BBX: variants seen among roughly 807,000 people sequenced by gnomAD.
The protein encoded by BBX is HMG box transcription factor BBX.
Under a neutral mutation model 100.2 loss-of-function variants are expected in BBX, and 30 were observed. The observed-to-expected ratio is 0.30, with a 90% CI of 0.22 to 0.41. BBX has a LOEUF of 0.41. Among genes scored for constraint, BBX ranks in the 10% least tolerant of loss-of-function variants. BBX has a pLI of 1.00. For synonymous variants in BBX, 376 were observed against 388.1 expected, an observed-to-expected ratio of 0.97 and a Z score of 0.37; for missense variants, 1,023 against 1,129.8, an observed-to-expected ratio of 0.91 and a Z score of 1.35.
At chr3:107,586,854 G>A (rs1446290480) in intron 2 of BBX, among the ~76,000 whole-genome samples, 1 of 151,852 alleles carries the variant, frequency 6.6e-6, no homozygotes, top group Admixed American at 6.6e-5. Flanking sequence ...AGGTTCAAGC[G>A]ATTCTCCTGC....
rs1315331330 is a variant in BBX, at chr3:107,773,548, G to A, written c.1827G>A (p.Arg609=). Residue 609 remains arginine (R), a synonymous_variant, in exon 11 of 18, where the codon AGG becomes AGA. Transcript: ENST00000325805. The surrounding 1 kb of genome is among the most constrained non-coding windows in gnomAD (Gnocchi z 4.1). ...GAAAAATAGAAACTTGTGGTTCCAG[G>A]AAATCCGAGAGGTCTTGCAAAGGTG... The part of the protein sequence containing the change: ...CHRKIETCGS[R]KSERSCKGAL... 6.2e-7 allele frequency: 1 copy of A among 1,614,082 alleles called. No homozygotes were observed. Among genetic ancestry groups the A allele is most frequent in the East Asian group, 2.2e-5 (1 of 44,870 alleles).
At position 107,750,577 on chromosome 3, in the gene BBX, C is replaced by G. The variant is rs187333196; in HGVS notation, c.825+2538C>G. Among the ~76,000 whole-genome samples the G allele has an allele frequency of 3.5e-4, 54 of 152,270 alleles. 1 individual carries two copies. In the East Asian group the frequency reaches 9.8e-3, roughly 28 times the overall value. ...TTATACAAGAGTAGTTCATGGTTCT[C>G]AAAGGATACATAACCTCTCTCGTCA... On this transcript the variant is annotated intron_variant, in intron 9 of 17. Coordinates refer to ENST00000325805, the MANE Select transcript of BBX (RefSeq NM_001142568.3).
chr3:107,544,676 G>A lies in BBX; in HGVS notation c.-84+18278G>A, dbSNP rs2049087429. Reference sequence around the variant, plus strand: ...ACTTGAGGCCAGGAGTTCAAGACCAGCCTGGCCAACATAGCGAAACCCCAT... The same window carrying A: ...ACTTGAGGCCAGGAGTTCAAGACCAACCTGGCCAACATAGCGAAACCCCAT... On this transcript the variant is annotated intron_variant, in intron 2 of 17. Transcript: ENST00000325805. Among the ~76,000 whole-genome samples the A allele has an allele frequency of 4.6e-5, 7 of 151,800 alleles. No individual in the cohort carries two copies. The South Asian group carries it at 1.5e-3, about 32-fold the overall frequency.
intron 6 of BBX, among the ~76,000 whole-genome samples, chr3:107,731,813 GA>G (rs1248416601): frequency 1.3e-5 from 2 of 151,826 alleles, no homozygotes; most frequent in African/African-American, 2.4e-5. Context: ...TCTTCAACCC[GA>G]AAAAGAAAAG....
Position 107,806,988 on chromosome 3 carries a change from A to T in BBX, c.*1531A>T, listed in dbSNP as rs1041923872. On this transcript the variant is annotated 3_prime_UTR_variant, in exon 18 of 18. Transcript: ENST00000325805. ...AGATCTCTAAATGGTGACAGTTTAC[A>T]TGGTTTTATCTAGCTTTCTTATTTA... 1 of 152,190 alleles carries T rather than the reference A, an allele frequency of 6.6e-6. No homozygotes were observed. The highest frequency in any genetic ancestry group is 2.4e-5 in the African/African-American group (1 of 41,450). 9.4% of individuals were successfully genotyped at this position (152,190 alleles called of 1,614,324 possible).
chr3:107,712,028 A>T (rs558170063), intron 4 of BBX, among the ~76,000 whole-genome samples: 1 of 152,240 alleles, frequency 6.6e-6, no homozygotes, highest in South Asian at 2.1e-4. Flanking sequence ...GGCACACACC[A>T]CTAAGCCCAG....
chr3:107,727,621 T>G, intron 5 of BBX, among the ~76,000 whole-genome samples: 1 of 152,280 alleles, frequency 6.6e-6, no homozygotes, highest in East Asian at 1.9e-4. Context: ...GTGAAATAAT[T>G]CTACACCATT....
chr3:107,699,761 G>A (rs1384202037), intron 3 of BBX, among the ~76,000 whole-genome samples: 2 of 151,892 alleles, frequency 1.3e-5, no homozygotes, highest in African/African-American at 4.9e-5. Flanking sequence ...CTATTCACCA[G>A]GCTCTGACAT....
In BBX at chr3:107,810,357, A is replaced by G. The variant is rs1203890205; in HGVS notation, c.*4900A>G. 1 of 152,216 alleles carries G rather than the reference A, an allele frequency of 6.6e-6. No homozygotes were observed. Among genetic ancestry groups the G allele is most frequent in the Non-Finnish European group, 1.5e-5 (1 of 68,042 alleles). 9.4% of individuals were successfully genotyped at this position (152,216 alleles called of 1,614,324 possible). On this transcript the variant is annotated 3_prime_UTR_variant, in exon 18 of 18. Coordinates refer to ENST00000325805, the MANE Select transcript of BBX (RefSeq NM_001142568.3). ...TTGCAGTCAGTGGTCAAAACTGATC[A>G]TGTGCTTAAATCGATTTTTATGCAC...
rs371126502 is a variant in BBX at position 107,805,850 on chromosome 3, C to CA, written c.*403dup. On this transcript the variant is annotated 3_prime_UTR_variant, in exon 18 of 18. Coordinates refer to ENST00000325805, the MANE Select transcript of BBX (RefSeq NM_001142568.3). ...ACCTAGTTATTCTTTCAAAACAAAA[C>CA]AAAAAAAAAACAAAAACTGACGCAC... 0.014 allele frequency: 2,552 copies of CA among 184,800 alleles called. 3 individuals carry two copies. Among genetic ancestry groups the CA allele is most frequent in the East Asian group, 0.022 (173 of 8,006 alleles). The allele number at this position is 184,800 out of a possible 1,614,324, so 11.4% of individuals were successfully genotyped here.
chr3:107,775,880 T>G (rs532564949), intron 12 of BBX, among the ~76,000 whole-genome samples: 1 of 152,152 alleles, frequency 6.6e-6, no homozygotes, highest in Non-Finnish European at 1.5e-5. Context: ...TATAATTTTA[T>G]GTATTTCATT....
At chr3:107,592,386 TG>T (rs2053394603) in intron 2 of BBX, among the ~76,000 whole-genome samples, 1 of 105,924 alleles carries the variant, frequency 9.4e-6, no homozygotes, top group South Asian at 3.4e-4. Flanking sequence ...AAAAAAAAGG[TG>T]TATTAAGATG....
chr3:107,757,195 C>G (rs2065548104), intron 10 of BBX, among the ~76,000 whole-genome samples: 1 of 151,792 alleles, frequency 6.6e-6, no homozygotes, highest in Admixed American at 6.6e-5. Context: ...TACCTTTAAA[C>G]AGTTTTTTTT....
chr3:107,789,909 C>G, intron 14 of BBX, 33 bp downstream of exon 14: 1 of 1,464,776 alleles, frequency 6.8e-7, no homozygotes, highest in Admixed American at 2.0e-5. Flanking sequence ...ATGAAGGGTT[C>G]TTGGTCACCT....
chr3:107,525,928 G>A (rs753780565), intron 1 of BBX, among the ~76,000 whole-genome samples: 1 of 152,224 alleles, frequency 6.6e-6, no homozygotes, highest in Admixed American at 6.5e-5. Context: ...GGCTCGGGCT[G>A]CCTATCGATC....
At position 107,701,394 on chromosome 3, in the gene BBX, T is replaced by C. The variant is rs922536565; in HGVS notation, c.-9-9058T>C. 6.6e-5 allele frequency among the ~76,000 whole-genome samples: 10 copies of C among 152,228 alleles called. No homozygotes were observed. In the East Asian group the frequency reaches 1.9e-3, roughly 29 times the overall value. Reference sequence around the variant, plus strand: ...TCAGTTGCTTTATACTTAAGGTATATTCATTGTAGGATCTTTCGCCTAGAG... The same window carrying C: ...TCAGTTGCTTTATACTTAAGGTATACTCATTGTAGGATCTTTCGCCTAGAG... On this transcript the variant is annotated intron_variant, in intron 3 of 17. Coordinates refer to ENST00000325805, the MANE Select transcript of BBX (RefSeq NM_001142568.3).
chr3:107,724,534 G>A (rs1172525820), intron 5 of BBX, among the ~76,000 whole-genome samples: 1 of 152,134 alleles, frequency 6.6e-6, no homozygotes, highest in Non-Finnish European at 1.5e-5. Context: ...GGTTTTTATG[G>A]TTTCAGTTCT....
chr3:107,680,868 C>T (rs1023373633), intron 3 of BBX, among the ~76,000 whole-genome samples: 4 of 152,174 alleles, frequency 2.6e-5, no homozygotes, highest in African/African-American at 7.2e-5. Context: ...AATTGCACTT[C>T]ATGTTTTAGA....
chr3:107,581,588 A>G (rs1314541282), intron 2 of BBX, among the ~76,000 whole-genome samples: 1 of 151,956 alleles, frequency 6.6e-6, no homozygotes, highest in Middle Eastern at 3.2e-3. Flanking sequence ...GCCAAATTAT[A>G]ATTAGTGGTT....
Sources: gnomAD v4.1 joint callset for allele counts (sites outside exome capture counted in the v4.1 genomes callset) on GRCh38, gnomAD v4.1.1 for gene constraint, Gnocchi (gnomAD v3.1) non-coding constraint, MANE v1.5 for transcripts, NCBI Gene and HGNC (gene_info 2026-07-23, HGNC 2026-07-21) for gene names.